The following SMG6 variants were observed in gnomAD, a reference collection of about 807,000 sequenced individuals.
The protein encoded by SMG6 is SMG6 nonsense mediated mRNA decay factor.
In SMG6, 66 loss-of-function variants were observed where a neutral mutation model predicts 142.2. The ratio of observed to expected loss-of-function variants is 0.46; its 90% CI spans 0.38 to 0.57. The LOEUF (loss-of-function observed/expected upper bound fraction) is 0.57, where lower values mean the gene tolerates loss of function less well. SMG6 is among the 20% of genes least tolerant of loss of function. The probability of loss-of-function intolerance (pLI) is 0.00; values close to 1 mark genes in which losing one functional copy is unlikely to be tolerated. For missense variants in SMG6, 1,793 were observed against 1,832.0 expected, an observed-to-expected ratio of 0.98 and a Z score of 0.39; for synonymous variants, 779 against 702.4, an observed-to-expected ratio of 1.11 and a Z score of -1.72.
chr17:2,154,138 G>A (rs570836676), intron 13 of SMG6, among the ~76,000 whole-genome samples: 1 of 140,982 alleles, frequency 7.1e-6, no homozygotes, highest in South Asian at 2.4e-4. Context: ...TGCATGTAGA[G>A]TGTGACGGTG....
At chr17:2,194,520 A>C (rs2072257872) in intron 10 of SMG6, among the ~76,000 whole-genome samples, 1 of 152,042 alleles carries the variant, frequency 6.6e-6, no homozygotes. Flanking sequence ...GGGAATGAAA[A>C]GCAGTGCACA....
intron 10 of SMG6, among the ~76,000 whole-genome samples, chr17:2,206,126 AC>A (rs2072673662): frequency 6.6e-6 from 1 of 152,174 alleles, no homozygotes. Flanking sequence ...ATTTTTTATA[AC>A]ACACAGCCTC....
At chr17:2,066,297 C>T (rs551421935) in intron 16 of SMG6, among the ~76,000 whole-genome samples, 47 of 150,676 alleles carry the variant, frequency 3.1e-4, no homozygotes, top group Non-Finnish European at 2.5e-4. Flanking sequence ...TGTCTGTGTG[C>T]GTGTGTACAT....
Position 2,061,716 on chromosome 17 carries a change from G to A in SMG6, c.4130-94C>T. On this transcript the variant is annotated intron_variant, in intron 18 of 18. Transcript: ENST00000263073. ...CCTGGAGAATGTGGTCCTGGGGAGGGGGTGCCACGCTAGCCGTGTCTTGGC... is the reference window on the plus strand; with the variant it reads ...CCTGGAGAATGTGGTCCTGGGGAGGAGGTGCCACGCTAGCCGTGTCTTGGC... 5 of 1,392,530 alleles carry A rather than the reference G, an allele frequency of 3.6e-6. 1 individual carries two copies. The South Asian group carries it at 5.1e-5, about 14-fold the overall frequency. 86.3% of individuals were successfully genotyped at this position (1,392,530 alleles called of 1,614,324 possible). A position where few individuals can be genotyped will look rare whatever the true frequency, so the allele number is the denominator to read the frequency against.
intron 13 of SMG6, among the ~76,000 whole-genome samples, chr17:2,144,368 T>G (rs1457083712): frequency 6.6e-6 from 1 of 152,116 alleles, no homozygotes; most frequent in African/African-American, 2.4e-5. Context: ...CGCCTGGCCA[T>G]TAATTTTTAA....
intron 13 of SMG6, among the ~76,000 whole-genome samples, chr17:2,086,577 A>G (rs2068567320): frequency 6.6e-6 from 1 of 152,214 alleles, no homozygotes; most frequent in Non-Finnish European, 1.5e-5. Context: ...ACCTGCTCCC[A>G]TGTGGCCACA....
intron 8 of SMG6, among the ~76,000 whole-genome samples, chr17:2,281,502 T>C (rs1314027445): frequency 1.3e-5 from 2 of 152,144 alleles, no homozygotes; most frequent in Non-Finnish European, 2.9e-5. Flanking sequence ...ATATGACTTG[T>C]GTCTGTTCAC....
intron 18 of SMG6, chr17:2,062,122 A>G (rs2067799054): frequency 6.4e-6 from 1 of 156,600 alleles, no homozygotes; most frequent in East Asian, 1.9e-4. Flanking sequence ...AGATGTGGGG[A>G]GAGGGGTTAA....
At chr17:2,303,065 T>A in intron 1 of SMG6, 1 of 985,436 alleles carries the variant, frequency 1.0e-6, no homozygotes, top group Non-Finnish European at 1.2e-6. Flanking sequence ...GAGCATTCTC[T>A]CTAATAAAAA....
intron 13 of SMG6, among the ~76,000 whole-genome samples, chr17:2,106,862 C>T (rs573047510): frequency 4.1e-4 from 60 of 147,096 alleles, no homozygotes; most frequent in Non-Finnish European, 7.6e-4. Flanking sequence ...CTCGGTTTGT[C>T]GCCCAGGCTG....
chr17:2,302,854 C>T (rs2075314623), intron 1 of SMG6, among the ~76,000 whole-genome samples: 1 of 152,170 alleles, frequency 6.6e-6, no homozygotes, highest in South Asian at 2.1e-4. Flanking sequence ...CTTTCTAGAG[C>T]AGCGGGAGAA....
intron 18 of SMG6, chr17:2,062,643 GGTCTACTC>G (rs1272386680): frequency 6.6e-6 from 1 of 152,224 alleles, no homozygotes; most frequent in Non-Finnish European, 1.5e-5. Flanking sequence ...TTGGGTGGCA[GGTCTACTC>G]GTCAGTCCCA....
At chr17:2,218,728 A>T (rs2073089903) in intron 10 of SMG6, among the ~76,000 whole-genome samples, 1 of 152,174 alleles carries the variant, frequency 6.6e-6, no homozygotes, top group Non-Finnish European at 1.5e-5. Context: ...GTAGTCCATG[A>T]TGACTCCAAA....
chr17:2,289,051 C>G (rs1419627829), intron 6 of SMG6, among the ~76,000 whole-genome samples: 1 of 145,460 alleles, frequency 6.9e-6, no homozygotes, highest in Non-Finnish European at 1.5e-5. Flanking sequence ...TGCACTCCAG[C>G]CTGGGCAACA....
At chr17:2,293,468 T>C (rs941542979) in intron 4 of SMG6, among the ~76,000 whole-genome samples, 4 of 99,946 alleles carry the variant, frequency 4.0e-5, no homozygotes, top group Admixed American at 2.1e-4. Flanking sequence ...TATTCTTTTT[T>C]TTCCCCCCTA....
At chr17:2,292,680 C>T (rs1269642127) in intron 5 of SMG6, 50 bp from the exon 6 acceptor site, 1 of 1,595,634 alleles carries the variant, frequency 6.3e-7, no homozygotes, top group Admixed American at 1.7e-5. Context: ...TTAGCTTTTT[C>T]CCAATTCATC....
At chr17:2,196,589 G>A (rs529337012) in intron 10 of SMG6, among the ~76,000 whole-genome samples, 2 of 152,178 alleles carry the variant, frequency 1.3e-5, no homozygotes, top group East Asian at 3.9e-4. Flanking sequence ...TAGGTTTAAC[G>A]CAACAGCTAT....
At chr17:2,174,999 C>G (rs1246943205) in intron 12 of SMG6, among the ~76,000 whole-genome samples, 1 of 152,168 alleles carries the variant, frequency 6.6e-6, no homozygotes, top group Non-Finnish European at 1.5e-5. Context: ...CCTCCGGTCC[C>G]GGCTGCAGAG....
At chr17:2,115,252 T>G (rs915284275) in intron 13 of SMG6, among the ~76,000 whole-genome samples, 4 of 152,070 alleles carry the variant, frequency 2.6e-5, no homozygotes, top group African/African-American at 7.2e-5. Flanking sequence ...TCTTTTCCCT[T>G]TGTCTGCACC....
Sources: gnomAD v4.1 joint callset for allele counts (sites outside exome capture counted in the v4.1 genomes callset) on GRCh38, gnomAD v4.1.1 for gene constraint, MANE v1.5 for transcripts, NCBI Gene and HGNC (gene_info 2026-07-23, HGNC 2026-07-21) for gene names.